The following LAMB3 variants were observed in gnomAD, a reference collection of about 807,000 sequenced individuals.
LAMB3 encodes the protein laminin subunit beta 3.
A neutral mutation model predicts 140.3 loss-of-function variants in LAMB3; 104 were observed. The observed-to-expected ratio is 0.74, with a 90% CI of 0.63 to 0.87. The LOEUF (loss-of-function observed/expected upper bound fraction) is 0.87. Ranked by LOEUF, LAMB3 falls within the 40% of genes least tolerant of loss-of-function variation. The pLI, the probability that LAMB3 is intolerant of heterozygous loss-of-function variation, is 0.00. For missense variants in LAMB3, 1,531 were observed against 1,575.2 expected (o/e 0.97, Z 0.47); for synonymous variants, 592 against 602.9 (o/e 0.98, Z 0.26).
rs1553275308 is a variant in LAMB3 at position 209,617,410 on chromosome 1, C to T, written c.3228G>A (p.Glu1076=). 1.9e-6 allele frequency: 3 copies of T among 1,612,332 alleles called. No homozygotes were observed. The highest frequency in any genetic ancestry group is 1.7e-5 in the Admixed American group (1 of 60,006). The change falls in exon 21 of 23, where the codon GAG becomes GAA. Residue 1076 remains glutamate (E), a splice_region_variant and synonymous_variant. Coordinates refer to ENST00000356082, the MANE Select transcript of LAMB3 (RefSeq NM_000228.3). ...GASEQALSAQ[E]GFERIKQKYA... ...TGAGCTAACTCCGCCTTCTCTGTAC[C>T]TCTTGGGCACTCAATGCCTGCTCGC...
intron 14 of LAMB3, among the ~76,000 whole-genome samples, chr1:209,624,988 G>T (rs1205993160): frequency 1.3e-5 from 2 of 152,060 alleles, no homozygotes; most frequent in Non-Finnish European, 2.9e-5. Flanking sequence ...AAGGAAGGAA[G>T]GAAGGTAGGT....
chr1:209,618,180 T>G, intron 19 of LAMB3, 132 bp from the exon 20 acceptor site: 1 of 1,186,650 alleles, frequency 8.4e-7, no homozygotes, highest in Non-Finnish European at 1.2e-6. Flanking sequence ...AAGTATTAAC[T>G]CAGTAGCTTT....
intron 3 of LAMB3, among the ~76,000 whole-genome samples, chr1:209,646,661 G>A (rs4844483): frequency 0.26 from 39,011 of 152,134 alleles, 5,325 homozygotes; most frequent in Admixed American, 0.38. Flanking sequence ...GTCCTGATCA[G>A]GGAAGAAATG....
chr1:209,620,584 GAC>G (rs1193616530), intron 18 of LAMB3, among the ~76,000 whole-genome samples: 2 of 152,244 alleles, frequency 1.3e-5, no homozygotes, highest in Non-Finnish European at 2.9e-5. Context: ...GGGTGTGAAT[GAC>G]AGAGTCAGAC....
chr1:209,635,254 T>C (rs1412988789), intron 5 of LAMB3, among the ~76,000 whole-genome samples: 1 of 152,176 alleles, frequency 6.6e-6, no homozygotes, highest in Non-Finnish European at 1.5e-5. Flanking sequence ...AAACTCAGCC[T>C]CCAAAGCAGA....
chr1:209,630,059 G>T, intron 9 of LAMB3, 134 bp from the exon 10 acceptor site: 2 of 827,294 alleles, frequency 2.4e-6, no homozygotes, highest in Non-Finnish European at 4.0e-6. Context: ...GAAACTGAGG[G>T]CAAGGGAGGT....
intron 3 of LAMB3, 122 bp downstream of exon 3, chr1:209,649,842 C>T: frequency 9.0e-7 from 1 of 1,106,868 alleles, no homozygotes; most frequent in Admixed American, 1.9e-5. Flanking sequence ...CTGCACTCCC[C>T]AGTCCGTGTA....
chr1:209,643,714 T>C (rs1360256925), intron 3 of LAMB3, among the ~76,000 whole-genome samples: 2 of 151,734 alleles, frequency 1.3e-5, no homozygotes, highest in Non-Finnish European at 2.9e-5. Context: ...TGATTATGCA[T>C]GGCCCAGCTC....
intron 18 of LAMB3, among the ~76,000 whole-genome samples, chr1:209,620,052 C>A (rs145598184): frequency 3.9e-5 from 6 of 152,320 alleles, no homozygotes; most frequent in African/African-American, 1.2e-4. Flanking sequence ...GAAAGCCTTC[C>A]AGGATGAGCA....
Position 209,632,737 on chromosome 1 carries a change from C to T in LAMB3, c.668G>A (p.Arg223Lys). ...GCCCCTTTGGGGCACAGGGGCCAGC[C>T]TGGTGAAATTGACTCTCAAGTTTGT... The part of the protein sequence containing the change: ...EITNLRVNFT[R>K]LAPVPQRGYH... The change falls in exon 8 of 23, where the codon AGG (arginine) becomes AAG (lysine). Residue 223 changes from arginine (R) to lysine (K), a missense_variant. Arg to Lys is a conservative substitution (Grantham distance 26). Transcript: ENST00000356082. 1 of 1,614,216 alleles carries T rather than the reference C, an allele frequency of 6.2e-7. No individual in the cohort carries two copies. Among genetic ancestry groups the T allele is most frequent in the East Asian group, 2.2e-5 (1 of 44,872 alleles).
intron 22 of LAMB3, 98 bp from the exon 23 acceptor site, chr1:209,615,505 G>T: frequency 7.2e-7 from 1 of 1,391,864 alleles, no homozygotes; most frequent in South Asian, 1.5e-5. Flanking sequence ...GAGGTAGCAT[G>T]TGTAGAGGAA....
intron 3 of LAMB3, among the ~76,000 whole-genome samples, chr1:209,639,414 G>T (rs2236895): frequency 0.36 from 54,392 of 151,970 alleles, 11,430 homozygotes; most frequent in Middle Eastern, 0.55. Context: ...TCTCAGGTTC[G>T]GTATTCCCTA....
At chr1:209,632,173 A>G (rs1482745896) in intron 8 of LAMB3, among the ~76,000 whole-genome samples, 1 of 152,132 alleles carries the variant, frequency 6.6e-6, no homozygotes, top group African/African-American at 2.4e-5. Context: ...AAAATCCCCA[A>G]ACCAGTGGCT....
intron 3 of LAMB3, among the ~76,000 whole-genome samples, chr1:209,639,568 A>G (rs2076445330): frequency 6.6e-6 from 1 of 152,210 alleles, no homozygotes; most frequent in Admixed American, 6.5e-5. Flanking sequence ...GCATGGCCAG[A>G]GAGGCGATAT....
At position 209,623,682 on chromosome 1, in the gene LAMB3, C is replaced by G; in HGVS notation, c.2181G>C (p.Gln727His). 6.2e-7 allele frequency: 1 copy of G among 1,614,184 alleles called. No homozygotes were observed. Among genetic ancestry groups the G allele is most frequent in the Non-Finnish European group, 8.5e-7 (1 of 1,180,032 alleles). The change falls in exon 16 of 23, where the codon CAG becomes CAC. Residue 727 changes from glutamine (Q) to histidine (H), a missense_variant. Coordinates refer to ENST00000356082, the MANE Select transcript of LAMB3 (RefSeq NM_000228.3). The surrounding 1 kb of genome is among the most constrained non-coding windows in gnomAD (Gnocchi z 4.2). ...AGCTGTCGGAGACCTGCTGAGCAGC[C>G]TGGGCTGACTGCTCGTAGGCTGTGC... ...MLSTAYEQSA[Q>H]AAQQVSDSSR... is the part of the protein sequence containing the mutation.
At chr1:209,638,941 G>A (rs2076434719) in intron 3 of LAMB3, among the ~76,000 whole-genome samples, 1 of 148,414 alleles carries the variant, frequency 6.7e-6, no homozygotes, top group African/African-American at 2.5e-5. Flanking sequence ...ATATGATATT[G>A]CCTTGCAGAG....
At chr1:209,634,381 C>T (rs1256000886) in intron 6 of LAMB3, 66 bp downstream of exon 6, 15 of 1,504,820 alleles carry the variant, frequency 1.0e-5, no homozygotes, top group Non-Finnish European at 1.3e-5. Context: ...GTCCGTGTGG[C>T]TGTGTGAACA....
At chr1:209,624,880 G>GAGGAAGGAAGGAAGGAAGGAAGGA (rs397962425) in intron 14 of LAMB3, among the ~76,000 whole-genome samples, 4 of 100,754 alleles carry the variant, frequency 4.0e-5, no homozygotes, top group East Asian at 2.9e-4. Context: ...GAAAGAGAGA[G>GAGGAAGGAAGGAAGGAAGGAAGGA]AGGAAGGAAG....
Position 209,615,334 on chromosome 1 carries a change from C to T in LAMB3, c.3456G>A (p.Lys1152=). Residue 1152 remains lysine, a synonymous_variant, in exon 23 of 23, where the codon AAG becomes AAA. Coordinates refer to ENST00000356082, the MANE Select transcript of LAMB3 (RefSeq NM_000228.3). ...TGTGGTCACGGATCTGCTCCACACGCTTCTCCAGTCCTGTCAGGTCCGCTG... is the reference window on the plus strand; with the variant it reads ...TGTGGTCACGGATCTGCTCCACACGTTTCTCCAGTCCTGTCAGGTCCGCTG... The part of the protein sequence containing the change: ...LRSADLTGLE[K]RVEQIRDHIN... The T allele has an allele frequency of 6.2e-7, 1 of 1,614,016 alleles. No individual in the cohort carries two copies. The highest frequency in any genetic ancestry group is 8.5e-7 in the Non-Finnish European group (1 of 1,179,940).
Sources: gnomAD v4.1 joint callset for allele counts (sites outside exome capture counted in the v4.1 genomes callset) on GRCh38, gnomAD v4.1.1 for gene constraint, Gnocchi (gnomAD v3.1) non-coding constraint, MANE v1.5 for transcripts, NCBI Gene and HGNC (gene_info 2026-07-23, HGNC 2026-07-21) for gene names.